PDZD2: variants seen among roughly 807,000 people sequenced by gnomAD.
The protein encoded by PDZD2 is PDZ domain containing 2.
In PDZD2, 90 loss-of-function variants were observed where a neutral mutation model predicts 220.7. The observed-to-expected ratio is 0.41, with a 90% CI of 0.34 to 0.49. The LOEUF is 0.49. Among genes scored for constraint, PDZD2 ranks in the 20% least tolerant of loss-of-function variants. PDZD2 has a pLI of 0.28. For synonymous variants in PDZD2, 1,375 were observed against 1,450.5 expected (o/e 0.95, Z 1.18); for missense variants, 3,174 against 3,608.5 (o/e 0.88, Z 3.08).
At chr5:31,799,799 A>ATCTG in intron 2 of PDZD2, 75 bp downstream of exon 2, 1 of 928,166 alleles carries the variant, frequency 1.1e-6, no homozygotes, top group Non-Finnish European at 1.7e-6. Context: ...GCAGCTGCAG[A>ATCTG]GGTTTATGAA....
chr5:31,940,537 G>A (rs1384397281), intron 2 of PDZD2, among the ~76,000 whole-genome samples: 1 of 152,140 alleles, frequency 6.6e-6, no homozygotes, highest in Non-Finnish European at 1.5e-5. Flanking sequence ...GAGGAACTTG[G>A]TCCTTAAAGA....
rs1744984595 is a variant in PDZD2, at chr5:32,108,183, C to CAG, written c.*51_*52dup. 1 of 1,351,416 alleles carries CAG rather than the reference C, an allele frequency of 7.4e-7. No individual in the cohort carries two copies. The allele number at this position is 1,351,416 out of a possible 1,614,324, so 83.7% of individuals were successfully genotyped here. A position where few individuals can be genotyped will look rare whatever the true frequency, so the allele number is the denominator to read the frequency against. On this transcript the variant is annotated 3_prime_UTR_variant, in exon 25 of 25. Coordinates refer to ENST00000438447, the MANE Select transcript of PDZD2 (RefSeq NM_178140.4). ...CAGTTCTCTTCTTTCTTTAGCAAAT[C>CAG]AGAGTGACTTCTTTAAACCACAGGT...
At chr5:32,102,546 CTCA>C (rs1394433058) in intron 24 of PDZD2, among the ~76,000 whole-genome samples, 7 of 151,754 alleles carry the variant, frequency 4.6e-5, no homozygotes, top group Non-Finnish European at 8.8e-5. Flanking sequence ...AAACCTCAGA[CTCA>C]TCAAGTTAAC....
chr5:32,018,487 A>G (rs1041603391), intron 6 of PDZD2, among the ~76,000 whole-genome samples: 2 of 152,122 alleles, frequency 1.3e-5, no homozygotes, highest in African/African-American at 4.8e-5. Flanking sequence ...AGATCCCCCA[A>G]CCTGCTCCGG....
At chr5:31,923,531 A>G in intron 2 of PDZD2, 1 of 894,654 alleles carries the variant, frequency 1.1e-6, no homozygotes, top group Non-Finnish European at 1.9e-6. Flanking sequence ...TACTTTGGGG[A>G]TAAAGGATTA....
At chr5:31,955,452 C>T (rs1747576208) in intron 2 of PDZD2, among the ~76,000 whole-genome samples, 1 of 152,006 alleles carries the variant, frequency 6.6e-6, no homozygotes, top group Admixed American at 6.6e-5. Flanking sequence ...AGGCATGCAC[C>T]ACCACGCCCA....
chr5:31,768,902 T>C (rs1752184805), intron 1 of PDZD2, among the ~76,000 whole-genome samples: 1 of 152,228 alleles, frequency 6.6e-6, no homozygotes, highest in Non-Finnish European at 1.5e-5. Context: ...GGAATCCTTG[T>C]CTTTCTCATC....
At position 32,074,438 on chromosome 5, in the gene PDZD2, G is replaced by T. The variant is rs1018416695; in HGVS notation, c.3332G>T (p.Ser1111Ile). 4 of 1,613,970 alleles carry T rather than the reference G, an allele frequency of 2.5e-6. No homozygotes were observed. Among genetic ancestry groups the T allele is most frequent in the Admixed American group, 3.3e-5 (2 of 60,012 alleles). ...AGCCCCAGTTCCCCCCAGCAGAAAA[G>T]TGAAGGCCTGGGCTCCAGGCACAGA... is the stretch of plus-strand genomic sequence containing the variant. ...TGSPSSPQQK[S>I]EGLGSRHRPV... The change falls in exon 18 of 25, where the codon AGT becomes ATT. Residue 1111 changes from serine (S) to isoleucine (I), a missense_variant. By Grantham distance (142) the Ser-to-Ile change is moderately radical. Transcript: ENST00000438447.
intron 8 of PDZD2, among the ~76,000 whole-genome samples, chr5:32,049,119 A>G (rs1450638868): frequency 6.6e-6 from 1 of 151,964 alleles, no homozygotes; most frequent in Non-Finnish European, 1.5e-5. Flanking sequence ...TACCTGTTAC[A>G]CAGTAATGAC....
At chr5:31,768,965 T>C (rs535141384) in intron 1 of PDZD2, among the ~76,000 whole-genome samples, 2 of 152,348 alleles carry the variant, frequency 1.3e-5, no homozygotes, top group African/African-American at 4.8e-5. Flanking sequence ...ATCACCTGCA[T>C]GTTGCCCATG....
At chr5:32,037,906 A>C (rs1156441489) in intron 7 of PDZD2, among the ~76,000 whole-genome samples, 1 of 151,148 alleles carries the variant, frequency 6.6e-6, no homozygotes, top group Non-Finnish European at 1.5e-5. Context: ...CAGTGGCATG[A>C]TCTCGGCTCA....
intron 1 of PDZD2, among the ~76,000 whole-genome samples, chr5:31,671,134 CTCGAGGAACTCTCAGTCCTG>C (rs1746200017): frequency 6.6e-6 from 1 of 152,130 alleles, no homozygotes; most frequent in South Asian, 2.1e-4. Context: ...CATTCCTACT[CTCGAGGAACTCTCAGTCCTG>C]TGGGCCAGGA....
rs373824229 is a variant in PDZD2, at chr5:31,970,190, C to T, written c.477-12965C>T. On this transcript the variant is annotated intron_variant, in intron 2 of 24. Coordinates refer to ENST00000438447, the MANE Select transcript of PDZD2 (RefSeq NM_178140.4). ...GATTACAGACGTGAGCCACCGCGCC[C>T]GGCCCGACTAAATAGTTTTACAAAG... 5.9e-5 allele frequency among the ~76,000 whole-genome samples: 9 copies of T among 152,156 alleles called. No homozygotes were observed. In the East Asian group the frequency reaches 9.7e-4, roughly 16 times the overall value.
chr5:31,654,490 G>C lies in PDZD2; in HGVS notation c.-361+15053G>C, dbSNP rs79504362. ...ATCCTGATGGCTTTAAATGTTATCC[G>C]TAAGCCGAGAACTCCCACCGATCTT... On this transcript the variant is annotated intron_variant, in intron 1 of 24. Coordinates refer to ENST00000438447, the MANE Select transcript of PDZD2 (RefSeq NM_178140.4). Among the ~76,000 whole-genome samples the C allele has an allele frequency of 3.6e-3, 547 of 151,908 alleles. 4 individuals are homozygous for C. Among genetic ancestry groups the C allele is most frequent in the African/African-American group, 0.013 (521 of 41,420 alleles).
rs1751025159 is a variant in PDZD2, at chr5:31,752,076, T to TTTTTTTTTTTTTG, written c.-360-46801_-360-46800insGTTTTTTTTTTTT. Among the ~76,000 whole-genome samples, 3 of 121,766 alleles carry TTTTTTTTTTTTTG rather than the reference T, an allele frequency of 2.5e-5. 1 individual carries two copies. The highest frequency in any genetic ancestry group is 6.1e-5 in the African/African-American group (2 of 32,884). The allele number at this position is 121,766 out of a possible 152,430, so 79.9% of individuals were successfully genotyped here. On this transcript the variant is annotated intron_variant, in intron 1 of 24. Coordinates refer to ENST00000438447, the MANE Select transcript of PDZD2 (RefSeq NM_178140.4). ...TTTGTTTTATTGTTTTGGGTTTGTT[T>TTTTTTTTTTTTTG]TTTTTTTTTTTTTTCTGAGACAAGG...
intron 2 of PDZD2, among the ~76,000 whole-genome samples, chr5:31,910,216 C>CTTTTT (rs1561050652): frequency 7.2e-5 from 4 of 55,456 alleles, no homozygotes. Flanking sequence ...AGAGTTCCTG[C>CTTTTT]ATTTTTTTTT....
At chr5:31,934,153 G>A (rs1202087554) in intron 2 of PDZD2, among the ~76,000 whole-genome samples, 1 of 152,072 alleles carries the variant, frequency 6.6e-6, no homozygotes, top group East Asian at 1.9e-4. Flanking sequence ...CTCTTGTTAG[G>A]ACTGCAGTTT....
intron 2 of PDZD2, among the ~76,000 whole-genome samples, chr5:31,800,595 G>C (rs768126845): frequency 1.3e-5 from 2 of 152,216 alleles, no homozygotes; most frequent in Admixed American, 6.5e-5. Context: ...AGACACTCTT[G>C]TCAAGCAGGA....
At position 31,786,673 on chromosome 5, in the gene PDZD2, G is replaced by C. The variant is rs77326575; in HGVS notation, c.-360-12216G>C. 8.9e-4 allele frequency among the ~76,000 whole-genome samples: 136 copies of C among 152,032 alleles called. 2 individuals carry two copies. In the East Asian group the frequency reaches 0.019, roughly 22 times the overall value. On this transcript the variant is annotated intron_variant, in intron 1 of 24. Transcript: ENST00000438447. ...CTAACTTAGCTCCAAGATTTGGGGGGGTGTAGGGGGAATGCCAGAGCTGGA... is the reference window on the plus strand; with the variant it reads ...CTAACTTAGCTCCAAGATTTGGGGGCGTGTAGGGGGAATGCCAGAGCTGGA...
Sources: gnomAD v4.1 joint callset for allele counts (sites outside exome capture counted in the v4.1 genomes callset) on GRCh38, gnomAD v4.1.1 for gene constraint, MANE v1.5 for transcripts, NCBI Gene and HGNC (gene_info 2026-07-23, HGNC 2026-07-21) for gene names.